The following WNT6 variants were observed in gnomAD, a reference collection of about 807,000 sequenced individuals.
WNT6 encodes protein Wnt-6.
A neutral mutation model predicts 33.1 loss-of-function variants in WNT6; 27 were observed. The ratio of observed to expected loss-of-function variants is 0.82; its 90% CI spans 0.60 to 1.12. The LOEUF (loss-of-function observed/expected upper bound fraction) is 1.12. WNT6 is among the 50% of genes most tolerant of loss of function. The pLI, the probability that WNT6 is intolerant of heterozygous loss-of-function variation, is 0.00. For missense variants in WNT6, 494 were observed against 535.3 expected (o/e 0.92, Z 0.76); for synonymous variants, 249 against 242.8 (o/e 1.03, Z -0.24).
At chr2:218,863,678 G>T (rs1486596306) in intron 1 of WNT6, among the ~76,000 whole-genome samples, 1 of 152,068 alleles carries the variant, frequency 6.6e-6, no homozygotes, top group Non-Finnish European at 1.5e-5. Context: ...GTGAAACCCT[G>T]TCTCTACTAA....
At chr2:218,869,441 C>T (rs552057587) in intron 1 of WNT6, among the ~76,000 whole-genome samples, 2 of 152,254 alleles carry the variant, frequency 1.3e-5, no homozygotes, top group Admixed American at 6.5e-5. Context: ...GCAGCCTGTA[C>T]TTGTGGAGCA....
chr2:218,870,245 C>T (rs887982934), intron 1 of WNT6, among the ~76,000 whole-genome samples: 12 of 149,858 alleles, frequency 8.0e-5, no homozygotes, highest in Non-Finnish European at 1.6e-4. Context: ...AAAAAAAGAA[C>T]GAAAACCACA....
chr2:218,862,936 C>A (rs1033357918), intron 1 of WNT6, among the ~76,000 whole-genome samples: 2 of 152,146 alleles, frequency 1.3e-5, no homozygotes, highest in African/African-American at 4.8e-5. Context: ...AACTCCTGAC[C>A]TCAAGCAATC....
chr2:218,873,290 C>A lies in WNT6; in HGVS notation c.637-94C>A. ...TCTGCATTTTCCTCTCTTCCTTTCA[C>A]CTCCCATTCCCAATCTTATTTTCTG... On this transcript the variant is annotated intron_variant, in intron 3 of 3. Transcript: ENST00000233948. The surrounding 1 kb of genome is among the most constrained non-coding windows in gnomAD (Gnocchi z 6.1). 1 of 1,250,868 alleles carries A rather than the reference C, an allele frequency of 8.0e-7. No homozygotes were observed. Among genetic ancestry groups the A allele is most frequent in the Non-Finnish European group, 1.1e-6 (1 of 918,728 alleles). The allele number at this position is 1,250,868 out of a possible 1,614,324, so 77.5% of individuals were successfully genotyped here.
chr2:218,871,564 C>T lies in WNT6; in HGVS notation c.381C>T (p.Gly127=), dbSNP rs764769863. Residue 127 remains glycine, a synonymous_variant, in exon 3 of 4, where the codon GGC becomes GGT. Transcript: ENST00000233948. The surrounding 1 kb of genome is among the most constrained non-coding windows in gnomAD (Gnocchi z 6.4). ...CCGTCACGCAGGCCTGTTCTATGGGCGAGCTGCTGCAGTGCGGCTGCCAGG... is the reference window on the plus strand; with the variant it reads ...CCGTCACGCAGGCCTGTTCTATGGGTGAGCTGCTGCAGTGCGGCTGCCAGG... ...SHAVTQACSM[G]ELLQCGCQAP... 8 of 1,574,498 alleles carry T rather than the reference C, an allele frequency of 5.1e-6. No individual in the cohort carries two copies. The highest frequency in any genetic ancestry group is 2.8e-5 in the African/African-American group (2 of 71,932).
intron 1 of WNT6, among the ~76,000 whole-genome samples, chr2:218,865,569 C>T (rs1330336793): frequency 6.6e-6 from 1 of 152,202 alleles, no homozygotes; most frequent in Non-Finnish European, 1.5e-5. Context: ...TTGCCCCTGG[C>T]CACCCGGAAT....
At chr2:218,866,540 G>A (rs867711576) in intron 1 of WNT6, among the ~76,000 whole-genome samples, 2 of 152,186 alleles carry the variant, frequency 1.3e-5, no homozygotes, top group Non-Finnish European at 2.9e-5. Flanking sequence ...ATGAATAAGG[G>A]TGTGGTGGGA....
intron 1 of WNT6, 133 bp downstream of exon 1, chr2:218,860,250 G>A (rs1944294110): frequency 1.2e-6 from 1 of 867,930 alleles, no homozygotes; most frequent in Non-Finnish European, 1.6e-6. Context: ...CTCGGCCGGG[G>A]GCGTTTCTGA....
chr2:218,868,763 C>G (rs774886038), intron 1 of WNT6, among the ~76,000 whole-genome samples: 4 of 152,136 alleles, frequency 2.6e-5, no homozygotes, highest in Non-Finnish European at 5.9e-5. Flanking sequence ...TTACATGTGA[C>G]ACAGAATTCA....
Position 218,871,961 on chromosome 2 carries a change from G to A in WNT6, c.636+142G>A. ...GTGGGGGAGTGCGCACGGGCGGAAA[G>A]ATGGGCTGCAAGCATGGATGGACAT... On this transcript the variant is annotated intron_variant, in intron 3 of 3. Coordinates refer to ENST00000233948, the MANE Select transcript of WNT6 (RefSeq NM_006522.4). This position sits in a 1 kb window ranked among gnomAD's most constrained non-coding sequence, Gnocchi z 6.4. The A allele has an allele frequency of 1.2e-6, 1 of 820,466 alleles. No individual in the cohort carries two copies. Among genetic ancestry groups the A allele is most frequent in the Non-Finnish European group, 1.8e-6 (1 of 560,070 alleles). 50.8% of individuals were successfully genotyped at this position (820,466 alleles called of 1,614,324 possible). A position where few individuals can be genotyped will look rare whatever the true frequency, so the allele number is the denominator to read the frequency against.
chr2:218,861,948 C>G (rs183245958), intron 1 of WNT6, among the ~76,000 whole-genome samples: 46 of 152,284 alleles, frequency 3.0e-4, no homozygotes, highest in Admixed American at 2.8e-3. Flanking sequence ...GCCCTGAGGC[C>G]TAGGAGTGTG....
chr2:218,862,831 A>G (rs1332382119), intron 1 of WNT6, among the ~76,000 whole-genome samples: 2 of 151,852 alleles, frequency 1.3e-5, no homozygotes, highest in Non-Finnish European at 2.9e-5. Context: ...CAGCCTCCTG[A>G]GTAACTGGGA....
chr2:218,871,726 G>A lies in WNT6; in HGVS notation c.543G>A (p.Glu181=), dbSNP rs1944403792. ...GCGDDVDFGD[E]KSRLFMDARH... is the part of the protein sequence containing the mutation. ...GCGACGACGTGGACTTCGGGGACGA[G>A]AAGTCGAGGCTCTTTATGGACGCGC... The change falls in exon 3 of 4, where the codon GAG becomes GAA. Residue 181 remains glutamate (E), a synonymous_variant. Coordinates refer to ENST00000233948, the MANE Select transcript of WNT6 (RefSeq NM_006522.4). This position sits in a 1 kb window ranked among gnomAD's most constrained non-coding sequence, Gnocchi z 6.4. 1.9e-6 allele frequency: 3 copies of A among 1,596,176 alleles called. No individual in the cohort carries two copies. The highest frequency in any genetic ancestry group is 2.4e-5 in the East Asian group (1 of 42,132).
chr2:218,868,119 C>T (rs1450084992), intron 1 of WNT6, among the ~76,000 whole-genome samples: 1 of 152,084 alleles, frequency 6.6e-6, no homozygotes, highest in Non-Finnish European at 1.5e-5. Flanking sequence ...CCCATCCCTC[C>T]CCCTGACCAG....
In WNT6 at chr2:218,871,683, G is replaced by C; in HGVS notation, c.500G>C (p.Trp167Ser). The C allele has an allele frequency of 6.4e-7, 1 of 1,567,002 alleles. No homozygotes were observed. Among genetic ancestry groups the C allele is most frequent in the South Asian group, 1.1e-5 (1 of 87,152 alleles). Residue 167 changes from tryptophan to serine, a missense_variant, in exon 3 of 4, where the codon TGG (tryptophan) becomes TCG (serine). Physicochemically the swap from Trp to Ser is radical, Grantham distance 177. Coordinates refer to ENST00000233948, the MANE Select transcript of WNT6 (RefSeq NM_006522.4). The surrounding 1 kb of genome is among the most constrained non-coding windows in gnomAD (Gnocchi z 6.4). ...GGCTCCCCGGAAGGCAGCGCCGCCT[G>C]GGAGTGGGGAGGCTGCGGCGACGAC... The part of the protein sequence containing the change: ...PAGSPEGSAA[W>S]EWGGCGDDVD...
Position 218,871,609 on chromosome 2 carries a change from T to C in WNT6, c.426T>C (p.Pro142=). 1 of 1,484,266 alleles carries C rather than the reference T, an allele frequency of 6.7e-7. No homozygotes were observed. The highest frequency in any genetic ancestry group is 1.5e-5 in the African/African-American group (1 of 68,804). 91.9% of individuals were successfully genotyped at this position (1,484,266 alleles called of 1,614,324 possible). A position where few individuals can be genotyped will look rare whatever the true frequency, so the allele number is the denominator to read the frequency against. The change falls in exon 3 of 4, where the codon CCT becomes CCC. Residue 142 remains proline (P), a synonymous_variant. Transcript: ENST00000233948. The surrounding 1 kb of genome is among the most constrained non-coding windows in gnomAD (Gnocchi z 6.4). ...CGCQAPRGRA[P]PRPSGLPGTP... ...GCCAGGCGCCCCGCGGGCGGGCCCC[T>C]CCCCGGCCCTCCGGCCTGCCCGGCA... is the stretch of plus-strand genomic sequence containing the variant.
At chr2:218,868,296 G>A (rs1944370331) in intron 1 of WNT6, among the ~76,000 whole-genome samples, 1 of 152,138 alleles carries the variant, frequency 6.6e-6, no homozygotes, top group African/African-American at 2.4e-5. Context: ...AAACAGAGAA[G>A]GTCAAGAGGT....
chr2:218,862,091 TCCCTGAGAGACTGA>T (rs1944314306), intron 1 of WNT6, among the ~76,000 whole-genome samples: 1 of 152,022 alleles, frequency 6.6e-6, no homozygotes. Flanking sequence ...AGTGGCCTGG[TCCCTGAGAGACTGA>T]CCCTGAAGCT....
In WNT6 at chr2:218,873,805, A is replaced by G; in HGVS notation, c.1058A>G (p.His353Arg). 6.5e-7 allele frequency: 1 copy of G among 1,548,022 alleles called. No individual in the cohort carries two copies. The highest frequency in any genetic ancestry group is 8.7e-7 in the Non-Finnish European group (1 of 1,152,562). ...CACTGGTGCTGCGTAGTACAGTGCC[A>G]CCGCTGCCGTGTGCGCAAGGAGCTC... ...RFHWCCVVQCHRCRVRKELSL... is the reference protein window; with the variant it reads ...RFHWCCVVQCRRCRVRKELSL... Residue 353 changes from histidine (H) to arginine (R), a missense_variant, in exon 4 of 4, where the codon CAC (histidine) becomes CGC (arginine). Transcript: ENST00000233948. The surrounding 1 kb of genome is among the most constrained non-coding windows in gnomAD (Gnocchi z 6.1).
Sources: allele counts gnomAD v4.1 joint callset (sites outside exome capture counted in the v4.1 genomes callset), GRCh38; gene constraint gnomAD v4.1.1; non-coding constraint Gnocchi (gnomAD v3.1); transcripts MANE v1.5; gene names NCBI Gene and HGNC (gene_info 2026-07-23, HGNC 2026-07-21).